Variants in SLC35G1 observed in about 807,000 individuals in gnomAD.
SLC35G1 encodes the protein partner of STIM1.
A neutral mutation model predicts 17.1 loss-of-function variants in SLC35G1; 10 were observed. That is an observed-to-expected ratio of 0.59 (90% CI 0.36 to 0.99). The LOEUF (loss-of-function observed/expected upper bound fraction) is 0.99, where lower values mean the gene tolerates loss of function less well. Among genes scored for constraint, SLC35G1 ranks in the 50% least tolerant of loss-of-function variants. SLC35G1 has a pLI of 0.01. For synonymous variants in SLC35G1, 185 were observed against 181.1 expected (o/e 1.02, Z -0.18); for missense variants, 433 against 468.4 (o/e 0.92, Z 0.70).
rs2060378901 is a variant in SLC35G1, at chr10:93,901,034, G to A, written c.642G>A (p.Met214Ile). Residue 214 changes from methionine (M) to isoleucine (I), a missense_variant, in exon 3 of 3, where the codon ATG becomes ATA. Transcript: ENST00000427197. ...TGTTTGGTTCCGACACTTCGGGGAT[G>A]GAAGAAAGCTATTCAGGCCACCTTA... ...PFLFGSDTSG[M>I]EESYSGHLKG... 3.1e-6 allele frequency: 5 copies of A among 1,614,104 alleles called. No homozygotes were observed. The highest frequency in any genetic ancestry group is 4.2e-6 in the Non-Finnish European group (5 of 1,179,990).
At chr10:93,898,502 A>T in intron 1 of SLC35G1, 69 bp from the exon 2 acceptor site, 1 of 1,484,850 alleles carries the variant, frequency 6.7e-7, no homozygotes, top group South Asian at 1.3e-5. Context: ...CATTTTTCTC[A>T]GTTTCTAAGT....
chr10:93,894,341 G>A, intron 1 of SLC35G1, 130 bp downstream of exon 1: 1 of 913,710 alleles, frequency 1.1e-6, no homozygotes, highest in East Asian at 3.3e-5. Context: ...CGGGGCTCGG[G>A]AAACCCCTCG....
At chr10:93,905,107 C>A (rs941698802), downstream of SLC35G1, among the ~76,000 whole-genome samples, 1 of 152,152 alleles carries the variant, frequency 6.6e-6, no homozygotes, top group Non-Finnish European at 1.5e-5. Context: ...GGGTATTATG[C>A]TTGGCTCTGA....
intron 1 of SLC35G1, 34 bp downstream of exon 1, chr10:93,894,245 G>A (rs2060307549): frequency 7.6e-7 from 1 of 1,308,694 alleles, no homozygotes; most frequent in Non-Finnish European, 9.7e-7. Context: ...CTCTGGTCTC[G>A]CTCGGGGGTC....
chr10:93,904,178 T>C (rs529040601), downstream of SLC35G1, among the ~76,000 whole-genome samples: 1 of 152,294 alleles, frequency 6.6e-6, no homozygotes, highest in South Asian at 2.1e-4. Flanking sequence ...TGTGGATTTA[T>C]TCTTTCCTCA....
At chr10:93,908,651 G>T (rs1373432113), downstream of SLC35G1, 2 of 152,160 alleles carry the variant, frequency 1.3e-5, no homozygotes, top group Admixed American at 6.5e-5. Context: ...TTGTTGGGCA[G>T]TAGCCATAAA....
At chr10:93,906,871 T>C (rs2060432364), downstream of SLC35G1, among the ~76,000 whole-genome samples, 1 of 152,148 alleles carries the variant, frequency 6.6e-6, no homozygotes, top group Admixed American at 6.5e-5. Flanking sequence ...TTAGTCTGTT[T>C]CACAATCATT....
rs1199879930 is a variant in SLC35G1 at position 93,902,780 on chromosome 10, C to T, written c.*1290C>T. 6.6e-6 allele frequency: 1 copy of T among 152,610 alleles called. No homozygotes were observed. Among genetic ancestry groups the T allele is most frequent in the Non-Finnish European group, 1.5e-5 (1 of 68,032 alleles). The allele number at this position is 152,610 out of a possible 1,614,324, so 9.5% of individuals were successfully genotyped here. On this transcript the variant is annotated 3_prime_UTR_variant, in exon 3 of 3. Transcript: ENST00000427197. ...ATGTCAGTGCCATACCATGATGCAG[C>T]ACCATGACACTAACGCCATGAATTC...
At chr10:93,895,880 C>T (rs1271605762) in intron 1 of SLC35G1, among the ~76,000 whole-genome samples, 1 of 152,182 alleles carries the variant, frequency 6.6e-6, no homozygotes, top group Non-Finnish European at 1.5e-5. Context: ...CTGTGCCTCA[C>T]ATCCTCTGGA....
intron 2 of SLC35G1, among the ~76,000 whole-genome samples, chr10:93,899,182 G>A (rs181546428): frequency 1.5e-3 from 232 of 152,228 alleles, no homozygotes; most frequent in Admixed American, 2.5e-3. Flanking sequence ...ATAATATTTA[G>A]GTATTCCTCA....
downstream of SLC35G1, chr10:93,907,890 A>G (rs558943208): frequency 3.4e-3 from 513 of 152,316 alleles, 1 homozygote; most frequent in African/African-American, 0.011. Context: ...AAAAGGAGTA[A>G]AAGACATAGG....
intron 1 of SLC35G1, among the ~76,000 whole-genome samples, chr10:93,895,170 C>T (rs1418637372): frequency 6.6e-6 from 1 of 152,302 alleles, no homozygotes; most frequent in East Asian, 1.9e-4. Context: ...CTAAGTGTGA[C>T]CCTGGATTTC....
At chr10:93,905,203 G>A (rs1055300619), downstream of SLC35G1, among the ~76,000 whole-genome samples, 1 of 152,086 alleles carries the variant, frequency 6.6e-6, no homozygotes, top group African/African-American at 2.4e-5. Context: ...ATTGCACTCG[G>A]TAAGCATATT....
At chr10:93,900,613 T>G in intron 2 of SLC35G1, 139 bp from the exon 3 acceptor site, 1 of 712,452 alleles carries the variant, frequency 1.4e-6, no homozygotes, top group Non-Finnish European at 2.2e-6. Context: ...ATAATATTCA[T>G]TTGTGGATAT....
chr10:93,907,011 G>A (rs2060433173), downstream of SLC35G1: 1 of 152,078 alleles, frequency 6.6e-6, no homozygotes, highest in Non-Finnish European at 1.5e-5. Context: ...AAAAAGCAAT[G>A]CCACTCTTCT....
chr10:93,899,579 A>G (rs773810321), intron 2 of SLC35G1, among the ~76,000 whole-genome samples: 3 of 152,204 alleles, frequency 2.0e-5, no homozygotes, highest in Non-Finnish European at 2.9e-5. Flanking sequence ...TACACCCCAA[A>G]TGAAAAGCTT....
chr10:93,896,606 C>A (rs1388641385), intron 1 of SLC35G1, among the ~76,000 whole-genome samples: 1 of 152,126 alleles, frequency 6.6e-6, no homozygotes, highest in Non-Finnish European at 1.5e-5. Context: ...CAGTCCTCAC[C>A]CTCGTTAACA....
chr10:93,900,993 G>A lies in SLC35G1; in HGVS notation c.601G>A (p.Val201Met), dbSNP rs746419335. The change falls in exon 3 of 3, where the codon GTG becomes ATG. Residue 201 changes from valine to methionine, a missense_variant. Coordinates refer to ENST00000427197, the MANE Select transcript of SLC35G1 (RefSeq NM_001134658.3). The part of the protein sequence containing the change: ...VFTITGVILI[V>M]RPPFLFGSDT... ...CACAATCACTGGAGTGATCCTTATC[G>A]TGAGACCACCATTTTTGTTTGGTTC... 18 of 1,613,880 alleles carry A rather than the reference G, an allele frequency of 1.1e-5. No homozygotes were observed. In the Admixed American group the frequency reaches 1.7e-4, roughly 15 times the overall value.
chr10:93,908,604 A>G (rs1305059732), downstream of SLC35G1: 1 of 152,110 alleles, frequency 6.6e-6, no homozygotes, highest in Non-Finnish European at 1.5e-5. Flanking sequence ...CACTGCATAT[A>G]TTTCAGTTTT....
Sources: gnomAD v4.1 joint callset for allele counts (sites outside exome capture counted in the v4.1 genomes callset) on GRCh38, gnomAD v4.1.1 for gene constraint, MANE v1.5 for transcripts, NCBI Gene and HGNC (gene_info 2026-07-23, HGNC 2026-07-21) for gene names.